The following KCNG2 variants were observed in gnomAD, a reference collection of about 807,000 sequenced individuals.
KCNG2 encodes the protein voltage-gated potassium channel regulatory subunit KCNG2.
Under a neutral mutation model 12.3 loss-of-function variants are expected in KCNG2, and 7 were observed. That is an observed-to-expected ratio of 0.57 (90% CI 0.32 to 1.07). The LOEUF is 1.07. Ranked by LOEUF, KCNG2 falls within the 50% of genes least tolerant of loss-of-function variation. The pLI is 0.04. For synonymous variants in KCNG2, 414 were observed against 351.4 expected (o/e 1.18, Z -1.99); for missense variants, 703 against 726.0 (o/e 0.97, Z 0.36).
intron 1 of KCNG2, among the ~76,000 whole-genome samples, chr18:79,821,230 C>A (rs1454597320): frequency 6.6e-6 from 1 of 150,734 alleles, no homozygotes; most frequent in African/African-American, 2.4e-5. Context: ...ATGTTTTATT[C>A]TAAGAGTTTT....
chr18:79,838,203 A>T (rs2123034456), intron 1 of KCNG2, among the ~76,000 whole-genome samples: 1 of 152,320 alleles, frequency 6.6e-6, no homozygotes, highest in South Asian at 2.1e-4. Flanking sequence ...ACAAATCAAG[A>T]TGAGATTTAG....
intron 1 of KCNG2, among the ~76,000 whole-genome samples, chr18:79,823,459 C>T (rs2087587411): frequency 6.6e-6 from 1 of 152,200 alleles, no homozygotes. Context: ...ACAGCCAGGC[C>T]AGGGGTTGTG....
chr18:79,865,324 TGA>T lies in KCNG2; in HGVS notation c.624+1037_624+1038del, dbSNP rs542170506. Among the ~76,000 whole-genome samples the T allele has an allele frequency of 1.8e-3, 182 of 99,400 alleles. 1 individual carries two copies. Among genetic ancestry groups the T allele is most frequent in the Non-Finnish European group, 2.6e-3 (116 of 44,814 alleles). 65.2% of individuals were successfully genotyped at this position (99,400 alleles called of 152,430 possible). A position where few individuals can be genotyped will look rare whatever the true frequency, so the allele number is the denominator to read the frequency against. ...GGTCTGGGTGCTGAGGTCTGGGTGCTGAGAGGTCTGGGTGCTGAGGTCTGGGT... is the reference window on the plus strand; with the variant it reads ...GGTCTGGGTGCTGAGGTCTGGGTGCTGAGGTCTGGGTGCTGAGGTCTGGGT... On this transcript the variant is annotated intron_variant, in intron 3 of 3. Transcript: ENST00000316249.
intron 1 of KCNG2, among the ~76,000 whole-genome samples, chr18:79,844,485 G>T (rs905484903): frequency 3.9e-5 from 6 of 152,186 alleles, no homozygotes; most frequent in Non-Finnish European, 2.9e-5. Context: ...GCAGCATGGT[G>T]ACTATAGCTA....
At chr18:79,812,784 C>G (rs1157143497) in intron 1 of KCNG2, among the ~76,000 whole-genome samples, 1 of 152,138 alleles carries the variant, frequency 6.6e-6, no homozygotes. Context: ...TCACTTGAAC[C>G]CAGGAGGCAG....
intron 1 of KCNG2, among the ~76,000 whole-genome samples, chr18:79,823,698 CTTG>C (rs2087589779): frequency 2.6e-5 from 4 of 152,200 alleles, no homozygotes; most frequent in Non-Finnish European, 4.4e-5. Flanking sequence ...AGTTTTTCCC[CTTG>C]TTGTTTTTCT....
At position 79,800,213 on chromosome 18, in the gene KCNG2, G is replaced by T. The variant is rs562372867; in HGVS notation, c.-115+2199G>T. Among the ~76,000 whole-genome samples the T allele has an allele frequency of 6.6e-6, 1 of 152,264 alleles. No individual in the cohort carries two copies. The highest frequency in any genetic ancestry group is 1.9e-4 in the East Asian group (1 of 5,168). On this transcript the variant is annotated intron_variant, in intron 1 of 3. Transcript: ENST00000316249. The surrounding 1 kb of genome is among the most constrained non-coding windows in gnomAD (Gnocchi z 4.0). ...GCATGAGCTCTGGGGGCCGGGAGGG[G>T]TGGTAGGGCCTGCAGGACGAGGACA...
chr18:79,895,640 T>C (rs1980942267), intron 3 of KCNG2, among the ~76,000 whole-genome samples: 1 of 152,190 alleles, frequency 6.6e-6, no homozygotes, highest in Non-Finnish European at 1.5e-5. Context: ...CTGTGTCTGC[T>C]ATTGATTGGG....
chr18:79,802,617 G>A (rs1021149325), intron 1 of KCNG2, among the ~76,000 whole-genome samples: 5 of 152,212 alleles, frequency 3.3e-5, no homozygotes, highest in African/African-American at 4.8e-5. Flanking sequence ...CACCCTTCCT[G>A]GCACTGACCC....
chr18:79,872,951 C>T (rs1305448005), intron 3 of KCNG2, among the ~76,000 whole-genome samples: 1 of 152,188 alleles, frequency 6.6e-6, no homozygotes, highest in Non-Finnish European at 1.5e-5. Context: ...GTGGGGACCG[C>T]CCCTCCGGGA....
intron 1 of KCNG2, among the ~76,000 whole-genome samples, chr18:79,842,064 C>T (rs993596034): frequency 1.3e-5 from 2 of 152,202 alleles, no homozygotes; most frequent in Non-Finnish European, 2.9e-5. Flanking sequence ...AGGACTGCAG[C>T]TACAGGCCTA....
At chr18:79,841,959 G>C (rs558857944) in intron 1 of KCNG2, among the ~76,000 whole-genome samples, 11 of 152,178 alleles carry the variant, frequency 7.2e-5, no homozygotes, top group Non-Finnish European at 1.5e-4. Flanking sequence ...AGAACGAAGC[G>C]AGCACTCAAC....
At chr18:79,828,805 G>T (rs1230654498) in intron 1 of KCNG2, among the ~76,000 whole-genome samples, 2 of 114,658 alleles carry the variant, frequency 1.7e-5, no homozygotes, top group African/African-American at 3.4e-5. Flanking sequence ...TCTGTGTGTG[G>T]GTGTCTATGT....
At position 79,822,800 on chromosome 18, in the gene KCNG2, C is replaced by T. The variant is rs190131869; in HGVS notation, c.-115+24786C>T. Reference sequence around the variant, plus strand: ...TGTGGCTCTTCTAGTCTTTAGCCTCCGGATTTCATGGAAACACATTTTCCA... The same window carrying T: ...TGTGGCTCTTCTAGTCTTTAGCCTCTGGATTTCATGGAAACACATTTTCCA... On this transcript the variant is annotated intron_variant, in intron 1 of 3. Coordinates refer to ENST00000316249, the MANE Select transcript of KCNG2 (RefSeq NM_012283.2). This position sits in a 1 kb window ranked among gnomAD's most constrained non-coding sequence, Gnocchi z 4.4. Among the ~76,000 whole-genome samples the T allele has an allele frequency of 5.3e-5, 8 of 152,262 alleles. No individual in the cohort carries two copies. The highest frequency in any genetic ancestry group is 4.2e-4 in the South Asian group (2 of 4,816).
chr18:79,813,725 A>G (rs553553281), intron 1 of KCNG2, among the ~76,000 whole-genome samples: 11 of 152,362 alleles, frequency 7.2e-5, no homozygotes, highest in Non-Finnish European at 1.5e-4. Flanking sequence ...CAACAAAGGT[A>G]TAACCCATAA....
At chr18:79,802,713 G>C (rs1390764539) in intron 1 of KCNG2, among the ~76,000 whole-genome samples, 1 of 150,288 alleles carries the variant, frequency 6.7e-6, no homozygotes, top group Non-Finnish European at 1.5e-5. Flanking sequence ...GTTACAGCTG[G>C]GAGGAGAGTT....
At chr18:79,832,619 A>G (rs1308664924) in intron 1 of KCNG2, among the ~76,000 whole-genome samples, 2 of 152,092 alleles carry the variant, frequency 1.3e-5, no homozygotes, top group East Asian at 1.9e-4. Flanking sequence ...TCTGGTATTC[A>G]TGAAACCTTG....
chr18:79,815,162 G>C (rs982344220), intron 1 of KCNG2, among the ~76,000 whole-genome samples: 1 of 152,144 alleles, frequency 6.6e-6, no homozygotes, highest in Non-Finnish European at 1.5e-5. Flanking sequence ...CTTATATCCA[G>C]GCACAGTGGC....
intron 1 of KCNG2, among the ~76,000 whole-genome samples, chr18:79,846,265 T>G (rs1295484524): frequency 1.5e-5 from 2 of 136,988 alleles, no homozygotes; most frequent in Admixed American, 7.5e-5. Flanking sequence ...CCCAGCTACT[T>G]GGGAGGCTGA....
Sources: allele counts gnomAD v4.1 joint callset (sites outside exome capture counted in the v4.1 genomes callset), GRCh38; gene constraint gnomAD v4.1.1; non-coding constraint Gnocchi (gnomAD v3.1); transcripts MANE v1.5; gene names NCBI Gene and HGNC (gene_info 2026-07-23, HGNC 2026-07-21).